The following GPR158 variants were observed in gnomAD, a reference collection of about 807,000 sequenced individuals.
The protein encoded by GPR158 is G protein-coupled receptor 158, also known as metabotropic glycine receptor.
In GPR158, 30 loss-of-function variants were observed where a neutral mutation model predicts 78.2. The observed-to-expected ratio is 0.38, with a 90% CI of 0.29 to 0.52. The LOEUF (loss-of-function observed/expected upper bound fraction) is 0.52, where lower values mean the gene tolerates loss of function less well. Among genes scored for constraint, GPR158 ranks in the 20% least tolerant of loss-of-function variants. The pLI is 0.83. For synonymous variants in GPR158, 581 were observed against 591.1 expected (o/e 0.98, Z 0.25); for missense variants, 1,463 against 1,523.5 (o/e 0.96, Z 0.66).
chr10:25,296,004 A>G (rs1854506827), intron 2 of GPR158, among the ~76,000 whole-genome samples: 1 of 150,434 alleles, frequency 6.6e-6, no homozygotes, highest in African/African-American at 2.4e-5. Context: ...TTATTGAGGC[A>G]GTGCTTTTAG....
intron 4 of GPR158, among the ~76,000 whole-genome samples, chr10:25,412,789 T>C (rs1019587014): frequency 6.6e-6 from 1 of 152,252 alleles, no homozygotes; most frequent in African/African-American, 2.4e-5. Context: ...GCATCCAATG[T>C]ATTATTAATT....
At chr10:25,192,062 T>C (rs1852778241) in intron 1 of GPR158, among the ~76,000 whole-genome samples, 1 of 152,122 alleles carries the variant, frequency 6.6e-6, no homozygotes, top group East Asian at 1.9e-4. Flanking sequence ...CAAAATCTCA[T>C]CTTGAATTGT....
intron 2 of GPR158, among the ~76,000 whole-genome samples, chr10:25,285,864 T>A (rs756646728): frequency 1.3e-5 from 2 of 152,198 alleles, no homozygotes. Context: ...AAGTCTTAGA[T>A]TCTCCTTTAA....
rs528339649 is a variant in GPR158 at position 25,376,188 on chromosome 10, A to G, written c.1009-19723A>G. Among the ~76,000 whole-genome samples, 4 of 151,462 alleles carry G rather than the reference A, an allele frequency of 2.6e-5. No individual in the cohort carries two copies. In the South Asian group the frequency reaches 6.2e-4, roughly 24 times the overall value. Reference sequence around the variant, plus strand: ...TTGGATGATTATAAATGGTATTGTGATTTTCATTTTAGTTTCCACTTGTTT... The same window carrying G: ...TTGGATGATTATAAATGGTATTGTGGTTTTCATTTTAGTTTCCACTTGTTT... On this transcript the variant is annotated intron_variant, in intron 2 of 10. Transcript: ENST00000376351.
chr10:25,494,073 G>A (rs1205585410), intron 5 of GPR158, among the ~76,000 whole-genome samples: 2 of 152,090 alleles, frequency 1.3e-5, no homozygotes, highest in Non-Finnish European at 2.9e-5. Flanking sequence ...TCACAAAAGT[G>A]TTGCATACTA....
chr10:25,538,399 T>C (rs1008534213), intron 5 of GPR158, among the ~76,000 whole-genome samples: 46 of 152,212 alleles, frequency 3.0e-4, no homozygotes, highest in Non-Finnish European at 1.5e-5. Flanking sequence ...GGATGTTCAA[T>C]TCAGGGTAAT....
At chr10:25,420,241 C>T (rs572793891) in intron 4 of GPR158, among the ~76,000 whole-genome samples, 13 of 152,208 alleles carry the variant, frequency 8.5e-5, no homozygotes, top group African/African-American at 2.4e-4. Context: ...CCTCAAACTC[C>T]GGGGCTCAAG....
chr10:25,265,084 G>A (rs1854025820), intron 2 of GPR158, among the ~76,000 whole-genome samples: 1 of 152,100 alleles, frequency 6.6e-6, no homozygotes, highest in Non-Finnish European at 1.5e-5. Flanking sequence ...TGGGATCCTA[G>A]TGAGAAGAAC....
chr10:25,328,859 G>A (rs1469775058), intron 2 of GPR158, among the ~76,000 whole-genome samples: 2 of 145,854 alleles, frequency 1.4e-5, no homozygotes, highest in Non-Finnish European at 3.0e-5. Flanking sequence ...CTCGGGAGGC[G>A]GAGGTTGCAG....
chr10:25,206,555 T>C (rs554137886), intron 1 of GPR158, among the ~76,000 whole-genome samples: 1 of 152,222 alleles, frequency 6.6e-6, no homozygotes, highest in Admixed American at 6.5e-5. Flanking sequence ...ATGCTCAGAG[T>C]TAATAATTGA....
chr10:25,588,610 T>G (rs962819963), intron 7 of GPR158, among the ~76,000 whole-genome samples: 1 of 152,364 alleles, frequency 6.6e-6, no homozygotes, highest in East Asian at 1.9e-4. Context: ...TATAAACATG[T>G]TCTAAACTTT....
At chr10:25,406,691 A>G (rs999868409) in intron 3 of GPR158, among the ~76,000 whole-genome samples, 1 of 152,166 alleles carries the variant, frequency 6.6e-6, no homozygotes, top group Admixed American at 6.6e-5. Flanking sequence ...AATTAGTTAT[A>G]ATTTGTTTTC....
At chr10:25,313,530 G>T (rs1854798381) in intron 2 of GPR158, among the ~76,000 whole-genome samples, 1 of 151,776 alleles carries the variant, frequency 6.6e-6, no homozygotes, top group African/African-American at 2.4e-5. Context: ...TTGCTTTCAT[G>T]AGGGCTTTTA....
rs199832541 is a variant in GPR158, at chr10:25,175,919, G to T, written c.499G>T (p.Gly167Cys). 1.2e-6 allele frequency: 2 copies of T among 1,613,684 alleles called. No individual in the cohort carries two copies. The highest frequency in any genetic ancestry group is 2.2e-5 in the East Asian group (1 of 44,856). Reference protein sequence around the residue: ...YQALVWSLLEGEPSISRAAIT... With the variant: ...YQALVWSLLECEPSISRAAIT... ...GGCGCTGGTGTGGAGCCTTCTGGAGGGCGAGCCCAGCATCTCCCGGGCGGC... is the reference window on the plus strand; with the variant it reads ...GGCGCTGGTGTGGAGCCTTCTGGAGTGCGAGCCCAGCATCTCCCGGGCGGC... The change falls in exon 1 of 11, where the codon GGC becomes TGC. Residue 167 changes from glycine (G) to cysteine (C), a missense_variant. Physicochemically the swap from Gly to Cys is radical, Grantham distance 159. Coordinates refer to ENST00000376351, the MANE Select transcript of GPR158 (RefSeq NM_020752.3). This position sits in a 1 kb window ranked among gnomAD's most constrained non-coding sequence, Gnocchi z 6.4.
At chr10:25,181,546 A>G (rs1224635809) in intron 1 of GPR158, among the ~76,000 whole-genome samples, 1 of 152,212 alleles carries the variant, frequency 6.6e-6, no homozygotes, top group Non-Finnish European at 1.5e-5. Context: ...TAGAGACAGA[A>G]GAAGTTGATA....
intron 2 of GPR158, among the ~76,000 whole-genome samples, chr10:25,271,876 G>A (rs1337209642): frequency 1.3e-5 from 2 of 151,996 alleles, no homozygotes; most frequent in Non-Finnish European, 2.9e-5. Flanking sequence ...TTGACCTCAG[G>A]TGATCTGCCC....
At position 25,599,059 on chromosome 10, in the gene GPR158, T is replaced by C; in HGVS notation, c.3433T>C (p.Ser1145Pro). ...NQIGHQEKKT[S>P]SSEENVRGSY... ...AATAGGACACCAGGAAAAAAAGACA[T>C]CTTCTTCTGAGGAGAATGTGCGTGG... Residue 1145 changes from serine (S) to proline (P), a missense_variant, in exon 11 of 11, where the codon TCT (serine) becomes CCT (proline). By Grantham distance (74) the Ser-to-Pro change is moderately conservative. Coordinates refer to ENST00000376351, the MANE Select transcript of GPR158 (RefSeq NM_020752.3). 6.2e-7 allele frequency: 1 copy of C among 1,613,770 alleles called. No homozygotes were observed. Among genetic ancestry groups the C allele is most frequent in the Non-Finnish European group, 8.5e-7 (1 of 1,179,906 alleles).
At chr10:25,596,528 T>C (rs1837409435) in intron 9 of GPR158, 115 bp from the exon 10 acceptor site, 2 of 674,666 alleles carry the variant, frequency 3.0e-6, no homozygotes, top group Non-Finnish European at 5.1e-6. Flanking sequence ...GATAGATAGA[T>C]AGATCTAGGT....
intron 5 of GPR158, among the ~76,000 whole-genome samples, chr10:25,547,484 C>T (rs1017547269): frequency 5.3e-5 from 8 of 152,144 alleles, no homozygotes; most frequent in African/African-American, 1.9e-4. Context: ...CCTCTTTCAT[C>T]TTTGCCTGAA....
Sources: allele counts gnomAD v4.1 joint callset (sites outside exome capture counted in the v4.1 genomes callset), GRCh38; gene constraint gnomAD v4.1.1; non-coding constraint Gnocchi (gnomAD v3.1); transcripts MANE v1.5; gene names NCBI Gene and HGNC (gene_info 2026-07-23, HGNC 2026-07-21).